Variants in GABRA3 observed in about 807,000 individuals in gnomAD.
GABRA3 encodes the protein gamma-aminobutyric acid receptor subunit alpha-3.
A neutral mutation model predicts 30.1 loss-of-function variants in GABRA3; 10 were observed. That is an observed-to-expected ratio of 0.33 (90% CI 0.20 to 0.56). The LOEUF (loss-of-function observed/expected upper bound fraction) is 0.56. GABRA3 is among the 20% of genes least tolerant of loss of function. The pLI is 0.89. For missense variants in GABRA3, 233 were observed against 392.0 expected, an observed-to-expected ratio of 0.59 and a Z score of 3.42; for synonymous variants, 151 against 146.8, an observed-to-expected ratio of 1.03 and a Z score of -0.21.
intron 1 of GABRA3, among the ~76,000 whole-genome samples, chrX:152,419,000 A>T (rs943240132): frequency 2.2e-4 from 25 of 111,543 alleles, no homozygotes; most frequent in African/African-American, 6.5e-4. Flanking sequence ...AGGCACATGG[A>T]TGAAGCTGGA....
At chrX:152,274,639 G>T (rs756542617) in intron 4 of GABRA3, among the ~76,000 whole-genome samples, 5 of 110,890 alleles carry the variant, frequency 4.5e-5, no homozygotes, top group Non-Finnish European at 9.5e-5. Context: ...ATGAAATCTT[G>T]TTTGGGGCTC....
chrX:152,176,312 A>G (rs1414138677), intron 9 of GABRA3, among the ~76,000 whole-genome samples: 1 of 111,099 alleles, frequency 9.0e-6, no homozygotes, highest in Non-Finnish European at 1.9e-5. Context: ...TACTATTTTA[A>G]TTGATCTTCC....
intron 2 of GABRA3, among the ~76,000 whole-genome samples, chrX:152,361,909 T>C (rs1928519357): frequency 8.9e-6 from 1 of 112,377 alleles, no homozygotes; most frequent in African/African-American, 3.2e-5. Flanking sequence ...AGAGTTAAAA[T>C]GTAAAAGGCT....
intron 3 of GABRA3, among the ~76,000 whole-genome samples, chrX:152,340,340 A>G (rs1467758216): frequency 8.9e-6 from 1 of 112,011 alleles, no homozygotes; most frequent in Non-Finnish European, 1.9e-5. Flanking sequence ...TACACAATAC[A>G]TGGTTATTAT....
intron 6 of GABRA3, 112 bp from the exon 7 acceptor site, chrX:152,208,256 G>A: frequency 1.3e-6 from 1 of 798,718 alleles, no homozygotes; most frequent in Admixed American, 2.9e-5. Context: ...AAGAGTTCTG[G>A]GTATGTGGTC....
At chrX:152,244,396 T>G (rs996747533) in intron 5 of GABRA3, among the ~76,000 whole-genome samples, 4 of 111,843 alleles carry the variant, frequency 3.6e-5, no homozygotes, top group Non-Finnish European at 5.6e-5. Flanking sequence ...GAGGGCTCTG[T>G]CCTCTTGAAT....
rs868775494 is a variant in GABRA3, at chrX:152,168,466, G to A, written c.1241C>T (p.Ser414Phe). 1 of 1,211,655 alleles carries A rather than the reference G, an allele frequency of 8.3e-7. No individual in the cohort carries two copies. Among genetic ancestry groups the A allele is most frequent in the Non-Finnish European group, 1.1e-6 (1 of 895,160 alleles). Residue 414 changes from serine to phenylalanine, a missense_variant, in exon 10 of 10, where the codon TCC becomes TTC. By Grantham distance (155) the Ser-to-Phe change is radical. This residue lies in a region of GABRA3 where 66 missense variants were observed against 57.1 expected (regional missense o/e 1.16). Transcript: ENST00000370314. ...GGGAGCAGCGCCCTTGGAGATGGTG[G>A]AAAATTCAGTGTCCTTGGCCAGGTT... is the stretch of plus-strand genomic sequence containing the variant. Reference protein sequence around the residue: ...PINLAKDTEFSTISKGAAPSA... With the variant: ...PINLAKDTEFFTISKGAAPSA...
intron 3 of GABRA3, among the ~76,000 whole-genome samples, chrX:152,341,114 G>T (rs988281112): frequency 1.8e-5 from 2 of 111,042 alleles, no homozygotes; most frequent in Non-Finnish European, 3.8e-5. Context: ...TTATAAGTGA[G>T]AACATATAGT....
At chrX:152,183,158 G>A (rs927652271) in intron 9 of GABRA3, among the ~76,000 whole-genome samples, 2 of 109,478 alleles carry the variant, frequency 1.8e-5, no homozygotes, top group African/African-American at 3.3e-5. Context: ...TTAAGTGCTC[G>A]GTAGAATTCA....
intron 3 of GABRA3, among the ~76,000 whole-genome samples, chrX:152,343,621 A>G (rs1940347799): frequency 9.0e-6 from 1 of 110,817 alleles, no homozygotes; most frequent in Admixed American, 9.7e-5. Flanking sequence ...TCACACAGTC[A>G]TTATTTTCAT....
chrX:152,423,889 C>T (rs1240732842), intron 1 of GABRA3, among the ~76,000 whole-genome samples: 1 of 110,779 alleles, frequency 9.0e-6, no homozygotes, highest in Non-Finnish European at 1.9e-5. Context: ...TTGGATATTA[C>T]AAATGGATAA....
chrX:152,342,589 T>G (rs753520522), intron 3 of GABRA3, among the ~76,000 whole-genome samples: 199 of 111,837 alleles, frequency 1.8e-3, no homozygotes, highest in African/African-American at 6.0e-3. Flanking sequence ...AATTTTTGAC[T>G]GGAAACTTTT....
intron 5 of GABRA3, among the ~76,000 whole-genome samples, chrX:152,235,955 T>C (rs1938196435): frequency 1.2e-5 from 1 of 82,679 alleles, no homozygotes; most frequent in Non-Finnish European, 2.1e-5. Flanking sequence ...ACTATTTGAT[T>C]TCTTTTTTTT....
chrX:152,394,194 T>C (rs142567129), intron 1 of GABRA3, among the ~76,000 whole-genome samples: 411 of 112,181 alleles, frequency 3.7e-3, no homozygotes, highest in Non-Finnish European at 5.0e-3. Flanking sequence ...CGAATTGATG[T>C]GTCCATTTCA....
At chrX:152,323,499 G>C (rs1471103485) in intron 3 of GABRA3, among the ~76,000 whole-genome samples, 10 of 111,292 alleles carry the variant, frequency 9.0e-5, no homozygotes, top group Non-Finnish European at 3.8e-5. Flanking sequence ...TAAAAGTAAG[G>C]ACTAAATGGA....
At chrX:152,440,478 C>T (rs764824486) in intron 1 of GABRA3, among the ~76,000 whole-genome samples, 6 of 111,909 alleles carry the variant, frequency 5.4e-5, no homozygotes, top group Non-Finnish European at 9.4e-5. Context: ...TCAATGATCT[C>T]GAACTAGAAA....
intron 1 of GABRA3, among the ~76,000 whole-genome samples, chrX:152,409,028 T>C (rs1375940769): frequency 1.8e-5 from 2 of 111,578 alleles, no homozygotes; most frequent in African/African-American, 6.5e-5. Context: ...TGCAGAAGAA[T>C]GAAATTCAAC....
intron 4 of GABRA3, among the ~76,000 whole-genome samples, chrX:152,259,599 A>T (rs775269636): frequency 4.5e-5 from 5 of 111,481 alleles, no homozygotes; most frequent in Non-Finnish European, 9.4e-5. Flanking sequence ...TACAGGCCCT[A>T]ACTCCCAGGT....
intron 5 of GABRA3, among the ~76,000 whole-genome samples, chrX:152,248,582 G>T (rs1946345): frequency 9.0e-6 from 1 of 111,306 alleles, no homozygotes; most frequent in Non-Finnish European, 1.9e-5. Context: ...GAAATTTAAG[G>T]AGCAAGAAAT....
Sources: gnomAD v4.1 joint callset for allele counts (sites outside exome capture counted in the v4.1 genomes callset) on GRCh38, gnomAD v4.1.1 for gene constraint, gnomAD v4.1.1 regional missense constraint, MANE v1.5 for transcripts, NCBI Gene and HGNC (gene_info 2026-07-23, HGNC 2026-07-21) for gene names.